BMAL2: variants seen among roughly 807,000 people sequenced by gnomAD.
BMAL2 encodes the protein basic helix-loop-helix ARNT like 2.
At chr12:27,411,092 T>C in the BMAL2 span, among the ~76,000 whole-genome samples, 4 of 152,152 alleles carry the variant, frequency 2.6e-5, no homozygotes, top group Non-Finnish European at 5.9e-5. Context: ...TATCTCTATA[T>C]CTTAAACATT....
At chr12:27,384,029 C>G in the BMAL2 span, among the ~76,000 whole-genome samples, 1 of 152,334 alleles carries the variant, frequency 6.6e-6, no homozygotes, top group South Asian at 2.1e-4. Flanking sequence ...GTTACCCCAC[C>G]TTTCCCCTGC....
chr12:27,389,411 T>C, the BMAL2 span: 1 of 650,984 alleles, frequency 1.5e-6, no homozygotes, highest in Non-Finnish European at 2.6e-6. Flanking sequence ...GAGAGAATTG[T>C]TTTGTAAACT....
chr12:27,408,972 C>G, the BMAL2 span, among the ~76,000 whole-genome samples: 5 of 152,174 alleles, frequency 3.3e-5, no homozygotes, highest in East Asian at 9.6e-4. Context: ...AGAGCCAAAT[C>G]ATGAGTGAAC....
At chr12:27,381,815 C>T in the BMAL2 span, among the ~76,000 whole-genome samples, 3,009 of 152,194 alleles carry the variant, frequency 0.02, 85 homozygotes, top group African/African-American at 0.069. Context: ...AAGCTGAAGA[C>T]TCCAGAGGAG....
At chr12:27,379,550 G>A in the BMAL2 span, among the ~76,000 whole-genome samples, 1 of 152,158 alleles carries the variant, frequency 6.6e-6, no homozygotes, top group Non-Finnish European at 1.5e-5. Flanking sequence ...AGGAGGCAGA[G>A]AGGCTGTGGA....
At chr12:27,363,909 T>G in the BMAL2 span, among the ~76,000 whole-genome samples, 44,156 of 152,042 alleles carry the variant, frequency 0.29, 7,222 homozygotes, top group East Asian at 0.44. Context: ...CTTTAGAGTT[T>G]TCTTAGTCCA....
the BMAL2 span, among the ~76,000 whole-genome samples, chr12:27,347,246 T>C: frequency 1.3e-5 from 2 of 152,214 alleles, no homozygotes; most frequent in South Asian, 2.1e-4. Flanking sequence ...GGAAGTGATA[T>C]GGCTATTTTA....
the BMAL2 span, among the ~76,000 whole-genome samples, chr12:27,355,815 G>A: frequency 6.6e-6 from 1 of 152,158 alleles, no homozygotes; most frequent in South Asian, 2.1e-4. Flanking sequence ...TGAGCCTAAT[G>A]CATTTTAGTT....
chr12:27,409,232 T>G, the BMAL2 span, among the ~76,000 whole-genome samples: 1 of 152,106 alleles, frequency 6.6e-6, no homozygotes, highest in Non-Finnish European at 1.5e-5. Context: ...TTCACAGAAT[T>G]GGAAAAAACT....
chr12:27,375,071 C>T, the BMAL2 span, among the ~76,000 whole-genome samples: 1 of 151,976 alleles, frequency 6.6e-6, no homozygotes, highest in Non-Finnish European at 1.5e-5. Context: ...AATACTAAAA[C>T]CTCAAAAGAG....
chr12:27,421,874 T>G, the BMAL2 span: 1 of 152,222 alleles, frequency 6.6e-6, no homozygotes, highest in Non-Finnish European at 1.5e-5. Flanking sequence ...TCTCACAGAT[T>G]AAATGATTAA....
the BMAL2 span, among the ~76,000 whole-genome samples, chr12:27,348,370 T>A: frequency 1.6e-4 from 25 of 152,180 alleles, no homozygotes; most frequent in African/African-American, 6.0e-4. Flanking sequence ...AGGGAGGAGA[T>A]AGATATAATC....
At chr12:27,421,408 G>C in the BMAL2 span, 1 of 152,020 alleles carries the variant, frequency 6.6e-6, no homozygotes, top group Non-Finnish European at 1.5e-5. Flanking sequence ...AATTACCCAG[G>C]CACTCACTCT....
chr12:27,376,410 G>T, the BMAL2 span: 2 of 1,611,434 alleles, frequency 1.2e-6, no homozygotes, highest in Non-Finnish European at 1.7e-6. Context: ...TGTTGAGATG[G>T]TACATGGTGA....
the BMAL2 span, among the ~76,000 whole-genome samples, chr12:27,414,506 G>A: frequency 3.9e-3 from 600 of 152,252 alleles, 10 homozygotes; most frequent in African/African-American, 0.013. Flanking sequence ...GAGGAAAATC[G>A]TAAGAGTCAC....
the BMAL2 span, among the ~76,000 whole-genome samples, chr12:27,383,995 T>C: frequency 6.6e-6 from 1 of 152,210 alleles, no homozygotes; most frequent in Non-Finnish European, 1.5e-5. Flanking sequence ...CGAGGGCCAA[T>C]GTGTGGTTAA....
At chr12:27,341,390 T>C in the BMAL2 span, among the ~76,000 whole-genome samples, 1 of 152,244 alleles carries the variant, frequency 6.6e-6, no homozygotes, top group African/African-American at 2.4e-5. Flanking sequence ...TTTTTGTCTG[T>C]AGTTCTGTTT....
At chr12:27,416,419 A>G in the BMAL2 span, among the ~76,000 whole-genome samples, 1 of 152,202 alleles carries the variant, frequency 6.6e-6, no homozygotes, top group Non-Finnish European at 1.5e-5. Context: ...CTTAAATAAT[A>G]CAAGCCACAA....
the BMAL2 span, among the ~76,000 whole-genome samples, chr12:27,395,200 A>G: frequency 6.6e-6 from 1 of 152,328 alleles, no homozygotes; most frequent in East Asian, 1.9e-4. Flanking sequence ...GCATTTTAAA[A>G]TTTGGCTTCA....
Sources: gnomAD v4.1 joint callset for allele counts (sites outside exome capture counted in the v4.1 genomes callset) on GRCh38, gnomAD v4.1.1 for gene constraint, MANE v1.5 for transcripts, NCBI Gene and HGNC (gene_info 2026-07-23, HGNC 2026-07-21) for gene names.